The following FUT9 variants were observed in gnomAD, a reference collection of about 807,000 sequenced individuals.
The protein encoded by FUT9 is 4-galactosyl-N-acetylglucosaminide 3-alpha-L-fucosyltransferase 9.
In FUT9, 15 loss-of-function variants were observed where a neutral mutation model predicts 29.7. The observed-to-expected ratio is 0.51, with a 90% CI of 0.34 to 0.78. FUT9 has a LOEUF of 0.78. FUT9 is among the 30% of genes least tolerant of loss of function. The probability of loss-of-function intolerance (pLI) is 0.01; values close to 1 mark genes in which losing one functional copy is unlikely to be tolerated. For synonymous variants in FUT9, 169 were observed against 153.7 expected, an observed-to-expected ratio of 1.10 and a Z score of -0.74; for missense variants, 319 against 425.4, an observed-to-expected ratio of 0.75 and a Z score of 2.20.
intron 2 of FUT9, among the ~76,000 whole-genome samples, chr6:96,148,663 A>T (rs1772618341): frequency 6.6e-6 from 1 of 152,174 alleles, no homozygotes; most frequent in Non-Finnish European, 1.5e-5. Context: ...ATTACTCCAG[A>T]GAGTATGTAT....
intron 1 of FUT9, among the ~76,000 whole-genome samples, chr6:96,082,976 C>A (rs1771262423): frequency 6.6e-6 from 1 of 151,938 alleles, no homozygotes; most frequent in Non-Finnish European, 1.5e-5. Context: ...AATGAGAGTT[C>A]TTCAAAAATT....
intron 2 of FUT9, among the ~76,000 whole-genome samples, chr6:96,166,155 A>T (rs998265315): frequency 1.9e-5 from 2 of 105,654 alleles, no homozygotes; most frequent in African/African-American, 7.5e-5. Flanking sequence ...CAGAAACAAT[A>T]AAAAAAAAAG....
At chr6:96,174,107 T>G in intron 2 of FUT9, among the ~76,000 whole-genome samples, 1 of 152,042 alleles carries the variant, frequency 6.6e-6, no homozygotes, top group Admixed American at 6.6e-5. Context: ...CCTTCATGGG[T>G]TTTGCAGTCA....
chr6:96,048,029 C>G (rs1400039726), intron 1 of FUT9, among the ~76,000 whole-genome samples: 1 of 152,128 alleles, frequency 6.6e-6, no homozygotes, highest in East Asian at 1.9e-4. Context: ...TTTCTATCTT[C>G]TAGACGCTGC....
chr6:96,083,739 G>T (rs1771274931), intron 1 of FUT9, among the ~76,000 whole-genome samples: 1 of 151,840 alleles, frequency 6.6e-6, no homozygotes, highest in Non-Finnish European at 1.5e-5. Flanking sequence ...ACATTAAAAA[G>T]AAATAAATAA....
intron 2 of FUT9, among the ~76,000 whole-genome samples, chr6:96,116,472 A>C (rs1562130554): frequency 6.6e-6 from 1 of 152,232 alleles, no homozygotes; most frequent in African/African-American, 2.4e-5. Context: ...ACACAAAAAA[A>C]CAATATGGGA....
At chr6:96,199,319 A>G (rs1773687120) in intron 2 of FUT9, among the ~76,000 whole-genome samples, 1 of 152,156 alleles carries the variant, frequency 6.6e-6, no homozygotes, top group African/African-American at 2.4e-5. Flanking sequence ...TTTGGCCCCA[A>G]GAGGCAAACT....
chr6:96,030,773 A>T lies in FUT9; in HGVS notation c.-98+14561A>T, dbSNP rs181696353. Among the ~76,000 whole-genome samples the T allele has an allele frequency of 4.2e-3, 644 of 151,684 alleles. 5 individuals carry two copies. Among genetic ancestry groups the T allele is most frequent in the African/African-American group, 0.015 (621 of 41,496 alleles). On this transcript the variant is annotated intron_variant, in intron 1 of 2. Transcript: ENST00000302103. ...ATAAGTAACAAACTGGTATATTCAT[A>T]CAATGACATACTACTTAGCAATAAA...
chr6:96,078,544 C>G (rs969380147), intron 1 of FUT9, among the ~76,000 whole-genome samples: 3 of 150,650 alleles, frequency 2.0e-5, no homozygotes, highest in African/African-American at 7.3e-5. Flanking sequence ...CCTCAGCCTC[C>G]CGAGTAGCTG....
chr6:96,029,519 G>A (rs541827124), intron 1 of FUT9, among the ~76,000 whole-genome samples: 1 of 151,702 alleles, frequency 6.6e-6, no homozygotes, highest in Non-Finnish European at 1.5e-5. Flanking sequence ...GCATCCTGAA[G>A]ATCAACTCTT....
chr6:96,045,902 G>T (rs1235815169), intron 1 of FUT9, among the ~76,000 whole-genome samples: 1 of 152,244 alleles, frequency 6.6e-6, no homozygotes, highest in Non-Finnish European at 1.5e-5. Context: ...AGGACAGCTA[G>T]TTGAACCTCA....
chr6:96,053,174 T>A (rs1294701995), intron 1 of FUT9, among the ~76,000 whole-genome samples: 1 of 152,174 alleles, frequency 6.6e-6, no homozygotes, highest in Non-Finnish European at 1.5e-5. Context: ...ATTTTATACT[T>A]ATTCTTCAGG....
At chr6:96,088,723 T>C (rs1582221361) in intron 1 of FUT9, among the ~76,000 whole-genome samples, 1 of 148,612 alleles carries the variant, frequency 6.7e-6, no homozygotes, top group African/African-American at 2.5e-5. Context: ...AAAATGAGTC[T>C]TTCAAAAATA....
chr6:96,153,329 T>C (rs879904404), intron 2 of FUT9, among the ~76,000 whole-genome samples: 1 of 152,166 alleles, frequency 6.6e-6, no homozygotes, highest in African/African-American at 2.4e-5. Flanking sequence ...AGCTGCTTCA[T>C]TTTTCCCTAT....
intron 1 of FUT9, among the ~76,000 whole-genome samples, chr6:96,045,940 C>T (rs1466004505): frequency 2.0e-5 from 3 of 152,144 alleles, no homozygotes; most frequent in Admixed American, 6.5e-5. Context: ...TAAAATGCAC[C>T]ATGAGGTAGG....
chr6:96,093,291 G>A (rs551405109), intron 1 of FUT9, among the ~76,000 whole-genome samples: 6 of 152,238 alleles, frequency 3.9e-5, no homozygotes, highest in South Asian at 2.1e-4. Flanking sequence ...TGGCAAAGTC[G>A]TTTCTTTCAT....
intron 1 of FUT9, among the ~76,000 whole-genome samples, chr6:96,059,991 T>C (rs1770843968): frequency 6.6e-6 from 1 of 152,166 alleles, no homozygotes; most frequent in Non-Finnish European, 1.5e-5. Flanking sequence ...GAATGGGATT[T>C]TAATACTAAA....
Position 96,203,377 on chromosome 6 carries a change from G to A in FUT9, c.222G>A (p.Gly74=). The A allele has an allele frequency of 6.2e-7, 1 of 1,612,330 alleles. No homozygotes were observed. The highest frequency in any genetic ancestry group is 1.1e-5 in the South Asian group (1 of 90,904). The change falls in exon 3 of 3, where the codon GGG becomes GGA. Residue 74 remains glycine (G), a synonymous_variant. Transcript: ENST00000302103. ...TTCTGGTGTGGGTGTGGCCATTTGG[G>A]CAGACCTTTGACCTTACATCCTGCC... is the stretch of plus-strand genomic sequence containing the variant. ...TTILVWVWPF[G]QTFDLTSCQA...
chr6:96,196,845 T>A (rs554264846), intron 2 of FUT9, among the ~76,000 whole-genome samples: 3 of 152,344 alleles, frequency 2.0e-5, no homozygotes, highest in East Asian at 3.9e-4. Context: ...GCAGGTCTTA[T>A]GACCTACAAT....
Sources: gnomAD v4.1 joint callset for allele counts (sites outside exome capture counted in the v4.1 genomes callset) on GRCh38, gnomAD v4.1.1 for gene constraint, MANE v1.5 for transcripts, NCBI Gene and HGNC (gene_info 2026-07-23, HGNC 2026-07-21) for gene names.